Variants in CHEK1 observed in about 807,000 individuals in gnomAD.
The protein encoded by CHEK1 is serine/threonine-protein kinase Chk1.
In CHEK1, 32 loss-of-function variants were observed where a neutral mutation model predicts 60.2. The observed-to-expected ratio is 0.53, with a 90% CI of 0.40 to 0.71. The LOEUF (loss-of-function observed/expected upper bound fraction) is 0.71. Ranked by LOEUF, CHEK1 falls within the 30% of genes least tolerant of loss-of-function variation. The pLI is 0.00. For missense variants in CHEK1, 399 were observed against 564.6 expected (o/e 0.71, Z 2.97); for synonymous variants, 179 against 187.2 (o/e 0.96, Z 0.36).
intron 13 of CHEK1, among the ~76,000 whole-genome samples, chr11:125,668,820 G>A (rs1213903546): frequency 6.6e-6 from 1 of 152,124 alleles, no homozygotes; most frequent in African/African-American, 2.4e-5. Context: ...GCCTCCTAAA[G>A]TTCTGAGATT....
At position 125,629,221 on chromosome 11, in the gene CHEK1, A is replaced by G. The variant is rs372206460; in HGVS notation, c.290-11A>G. On this transcript the variant is annotated splice_polypyrimidine_tract_variant and intron_variant, in intron 3 of 12. Transcript: ENST00000438015. ...ATTTAGTCAATAAACTTACTTTCAT[A>G]TTTGTTTTAGAGCCAGACATAGGCA... is the stretch of plus-strand genomic sequence containing the variant. 1.0e-4 allele frequency: 161 copies of G among 1,613,508 alleles called. No individual in the cohort carries two copies. Among genetic ancestry groups the G allele is most frequent in the Non-Finnish European group, 1.3e-4 (158 of 1,179,566 alleles).
intron 13 of CHEK1, among the ~76,000 whole-genome samples, chr11:125,670,444 G>GGA (rs1283405513): frequency 6.6e-6 from 1 of 152,138 alleles, no homozygotes; most frequent in Non-Finnish European, 1.5e-5. Flanking sequence ...GAATTGTAGA[G>GGA]ATTCTGTACT....
chr11:125,674,756 G>T (rs920633512), intron 13 of CHEK1, among the ~76,000 whole-genome samples: 8 of 152,170 alleles, frequency 5.3e-5, no homozygotes, highest in South Asian at 4.1e-4. Context: ...AGGATTAAAT[G>T]ATAAAGGGTA....
Position 125,627,644 on chromosome 11 carries a change from G to C in CHEK1, c.103G>C (p.Val35Leu), listed in dbSNP as rs1380056031. 8 of 1,613,730 alleles carry C rather than the reference G, an allele frequency of 5.0e-6. No individual in the cohort carries two copies. The highest frequency in any genetic ancestry group is 6.8e-6 in the Non-Finnish European group (8 of 1,179,916). ...TGTGAATAGAGTAACTGAAGAAGCA[G>C]TCGCAGTGAAGATTGTAGATATGAA... is the stretch of plus-strand genomic sequence containing the variant. The part of the protein sequence containing the change: ...LAVNRVTEEA[V>L]AVKIVDMKRA... Residue 35 changes from valine to leucine, a missense_variant, in exon 3 of 13, where the codon GTC (valine) becomes CTC (leucine). Coordinates refer to ENST00000438015, the MANE Select transcript of CHEK1 (RefSeq NM_001114122.3).
chr11:125,654,429 G>A (rs535478640), intron 12 of CHEK1, among the ~76,000 whole-genome samples: 6 of 152,086 alleles, frequency 3.9e-5, no homozygotes, highest in East Asian at 3.9e-4. Flanking sequence ...TTAATATTTC[G>A]AAGCATTTTA....
At chr11:125,626,207 A>T in intron 1 of CHEK1, 195 bp downstream of exon 1, 1 of 591,790 alleles carries the variant, frequency 1.7e-6, no homozygotes, top group Non-Finnish European at 3.0e-6. Flanking sequence ...CGGGGGCAGG[A>T]GGGACTAACC....
rs1323651627 is a variant in CHEK1 at position 125,673,793 on chromosome 11, C to G, written c.*28-2135C>G. Among the ~76,000 whole-genome samples the G allele has an allele frequency of 1.3e-5, 2 of 152,132 alleles. 1 individual carries two copies. The highest frequency in any genetic ancestry group is 2.9e-5 in the Non-Finnish European group (2 of 68,018). On this transcript the variant is annotated intron_variant, in intron 13 of 13. Coordinates refer to the CHEK1 transcript ENST00000428830. ...TCTCTGATTCTTCCCTTTGCTTTTT[C>G]CATCCAATTTGTTGTGAAGGTCTGT...
At chr11:125,652,279 G>A (rs879297686) in intron 11 of CHEK1, among the ~76,000 whole-genome samples, 15 of 152,148 alleles carry the variant, frequency 9.9e-5, no homozygotes, top group African/African-American at 3.6e-4. Flanking sequence ...TCTGTTAGCT[G>A]AGTCTTTTCT....
chr11:125,679,779 G>A (rs990361847), downstream of CHEK1, among the ~76,000 whole-genome samples: 4 of 152,210 alleles, frequency 2.6e-5, no homozygotes, highest in Non-Finnish European at 5.9e-5. Flanking sequence ...TCTTGGCACA[G>A]TGCAGTACTT....
chr11:125,659,317 C>T (rs1241983557), downstream of CHEK1, among the ~76,000 whole-genome samples: 24 of 151,536 alleles, frequency 1.6e-4, no homozygotes. Flanking sequence ...TTGAAGAATC[C>T]AGCTGGTTTA....
At position 125,637,458 on chromosome 11, in the gene CHEK1, A is replaced by G; in HGVS notation, c.728A>G (p.His243Arg). 1 of 1,604,484 alleles carries G rather than the reference A, an allele frequency of 6.2e-7. No homozygotes were observed. Among genetic ancestry groups the G allele is most frequent in the South Asian group, 1.1e-5 (1 of 89,350 alleles). ...TAATGTTTGTTTTTAGCTCTGCTGC[A>G]TAAAATCTTAGTTGAGAATCCATCA... ...KIDSAPLALL[H>R]KILVENPSAR... is the part of the protein sequence containing the mutation. Residue 243 changes from histidine (H) to arginine (R), a missense_variant, in exon 8 of 13, where the codon CAT becomes CGT. By Grantham distance (29) the His-to-Arg change is conservative. Around this residue, in one of 2 missense-constraint regions of CHEK1, gnomAD observed 370 missense variants for 494.8 expected, o/e 0.75. Transcript: ENST00000438015.
At chr11:125,650,738 T>C (rs1214384644) in intron 11 of CHEK1, among the ~76,000 whole-genome samples, 3 of 152,188 alleles carry the variant, frequency 2.0e-5, no homozygotes, top group Non-Finnish European at 4.4e-5. Flanking sequence ...CTAGTGATTT[T>C]TCTTATATAA....
intron 6 of CHEK1, among the ~76,000 whole-genome samples, chr11:125,634,279 G>A (rs1014262456): frequency 3.3e-5 from 5 of 151,622 alleles, no homozygotes; most frequent in African/African-American, 1.2e-4. Flanking sequence ...TGGGTTTTTT[G>A]TTAAATGACC....
Position 125,669,944 on chromosome 11 carries a change from T to G in CHEK1, c.*28-5984T>G, listed in dbSNP as rs192834827. Among the ~76,000 whole-genome samples the G allele has an allele frequency of 1.3e-3, 195 of 152,350 alleles. 1 individual carries two copies. The highest frequency in any genetic ancestry group is 4.5e-3 in the African/African-American group (187 of 41,592). ...TTAGTTATTATTTATTTAAATGTCT[T>G]TTTCTGTCTCATCTCTTTCCTATTC... On this transcript the variant is annotated intron_variant, in intron 13 of 13. Coordinates refer to the CHEK1 transcript ENST00000428830.
chr11:125,629,041 G>A (rs1053599985), intron 3 of CHEK1, among the ~76,000 whole-genome samples, 191 bp from the exon 4 acceptor site: 1 of 152,104 alleles, frequency 6.6e-6, no homozygotes, highest in African/African-American at 2.4e-5. Flanking sequence ...CTGTGATGAC[G>A]CCTTTTGCCA....
chr11:125,668,374 T>A (rs1223195772), intron 13 of CHEK1, among the ~76,000 whole-genome samples: 1 of 152,208 alleles, frequency 6.6e-6, no homozygotes, highest in East Asian at 1.9e-4. Flanking sequence ...CTCACATTAT[T>A]GGGTTCAAGT....
rs759756082 is a variant in CHEK1, at chr11:125,644,149, TG to T, written c.985del (p.Asp329IlefsTer27). The T allele has an allele frequency of 3.1e-6, 5 of 1,614,184 alleles. No homozygotes were observed. Among genetic ancestry groups the T allele is most frequent in the Non-Finnish European group, 3.4e-6 (4 of 1,180,032 alleles). On this transcript the variant is annotated frameshift_variant, in exon 10 of 13. Coordinates refer to ENST00000438015, the MANE Select transcript of CHEK1 (RefSeq NM_001114122.3). LOFTEE classifies it high-confidence loss of function. ...QPEPRTGLSLWDTSPSYIDKL... is the reference protein window; with the variant it reads ...QPEPRTGLSLXDTSPSYIDKL... ...AGAACCCCGCACAGGTCTTTCCTTA[TG>T]GGATACCAGCCCCTCATACATTGAT... is the stretch of plus-strand genomic sequence containing the variant.
Position 125,653,002 on chromosome 11 carries a change from C to T in CHEK1, c.1234-744C>T, listed in dbSNP as rs552178559. On this transcript the variant is annotated intron_variant, in intron 11 of 12. Coordinates refer to ENST00000438015, the MANE Select transcript of CHEK1 (RefSeq NM_001114122.3). This position sits in a 1 kb window ranked among gnomAD's most constrained non-coding sequence, Gnocchi z 4.3. ...CTGGACTCTAGTATCCTCTGTTCTG[C>T]CTTCTACTTCTATGAAATTAACAGT... Among the ~76,000 whole-genome samples, 1 of 152,226 alleles carries T rather than the reference C, an allele frequency of 6.6e-6. No individual in the cohort carries two copies. The highest frequency in any genetic ancestry group is 2.4e-5 in the African/African-American group (1 of 41,536).
At chr11:125,665,596 A>G (rs1942085110) in intron 13 of CHEK1, among the ~76,000 whole-genome samples, 1 of 152,100 alleles carries the variant, frequency 6.6e-6, no homozygotes, top group East Asian at 1.9e-4. Flanking sequence ...TCAACAGTGA[A>G]TCATCAGGTC....
Sources: allele counts gnomAD v4.1 joint callset (sites outside exome capture counted in the v4.1 genomes callset), GRCh38; gene constraint gnomAD v4.1.1; regional missense constraint gnomAD v4.1.1; non-coding constraint Gnocchi (gnomAD v3.1); transcripts MANE v1.5; gene names NCBI Gene and HGNC (gene_info 2026-07-23, HGNC 2026-07-21).